Variants in RRP15 observed in about 807,000 individuals in gnomAD.
RRP15 encodes ribosomal RNA processing 15 homolog.
Under a neutral mutation model 27.1 loss-of-function variants are expected in RRP15, and 18 were observed. The ratio of observed to expected loss-of-function variants is 0.66; its 90% CI spans 0.46 to 0.98. RRP15 has a LOEUF of 0.98. Ranked by LOEUF, RRP15 falls within the 50% of genes least tolerant of loss-of-function variation. The pLI is 0.00. For synonymous variants in RRP15, 107 were observed against 109.4 expected (o/e 0.98, Z 0.14); for missense variants, 359 against 337.8 (o/e 1.06, Z -0.49).
chr1:218,298,951 C>A lies in RRP15; in HGVS notation c.140-3343C>A, dbSNP rs115790962. On this transcript the variant is annotated intron_variant, in intron 1 of 4. Transcript: ENST00000366932. ...ATGTTTAAGGCAACACACAGGACTTCAAAGGCATTTTTTACTTGTCTGGTG... is the reference window on the plus strand; with the variant it reads ...ATGTTTAAGGCAACACACAGGACTTAAAAGGCATTTTTTACTTGTCTGGTG... Among the ~76,000 whole-genome samples the A allele has an allele frequency of 4.8e-3, 736 of 152,244 alleles. 5 individuals are homozygous for A. The highest frequency in any genetic ancestry group is 0.016 in the African/African-American group (665 of 41,544).
chr1:218,302,545 GA>G lies in RRP15; in HGVS notation c.392del (p.Glu131GlyfsTer3). 1 of 1,612,308 alleles carries G rather than the reference GA, an allele frequency of 6.2e-7. No individual in the cohort carries two copies. Among genetic ancestry groups the G allele is most frequent in the Non-Finnish European group, 8.5e-7 (1 of 1,179,498 alleles). On this transcript the variant is annotated frameshift_variant, in exon 2 of 5. Transcript: ENST00000366932. LOFTEE classifies it high-confidence loss of function. ...EKEKLKQERL[E>X]KIKQRDKRLE... is the part of the protein sequence containing the mutation. ...AGAAAAGTTAAAGCAAGAAAGACTA[GA>G]GAAAATAAAACAGGTATGTTCCACC...
chr1:218,302,258 T>C (rs1362468676), intron 1 of RRP15, 36 bp from the exon 2 acceptor site: 2 of 1,557,640 alleles, frequency 1.3e-6, no homozygotes, highest in South Asian at 2.3e-5. Context: ...CCTAGGATAT[T>C]AAAGTTTAAT....
intron 4 of RRP15, among the ~76,000 whole-genome samples, chr1:218,311,202 C>G (rs967396603): frequency 2.0e-5 from 3 of 152,128 alleles, no homozygotes; most frequent in African/African-American, 7.2e-5. Flanking sequence ...GTACTTTCTT[C>G]TGGTATTTAC....
rs1383627244 is a variant in RRP15, at chr1:218,330,988, T to G, written c.746T>G (p.Leu249Arg). The change falls in exon 5 of 5, where the codon CTA becomes CGA. Residue 249 changes from leucine (L) to arginine (R), a missense_variant. Transcript: ENST00000366932. ...GAAGAAGGCCCAGGTTGGACGATCCTACGTGATGATTTCATGATGGGAGCA... is the reference window on the plus strand; with the variant it reads ...GAAGAAGGCCCAGGTTGGACGATCCGACGTGATGATTTCATGATGGGAGCA... ...KSEEGPGWTI[L>R]RDDFMMGASM... 6.2e-7 allele frequency: 1 copy of G among 1,613,748 alleles called. No individual in the cohort carries two copies. Among genetic ancestry groups the G allele is most frequent in the South Asian group, 1.1e-5 (1 of 91,056 alleles).
At chr1:218,327,081 A>C (rs922153872) in intron 4 of RRP15, among the ~76,000 whole-genome samples, 3 of 152,122 alleles carry the variant, frequency 2.0e-5, no homozygotes, top group African/African-American at 7.2e-5. Flanking sequence ...CTTCACCTTC[A>C]AAATTGTGTT....
intron 4 of RRP15, among the ~76,000 whole-genome samples, chr1:218,314,300 A>G (rs907589011): frequency 3.3e-5 from 5 of 152,326 alleles, no homozygotes; most frequent in South Asian, 2.1e-4. Context: ...TATTCAAAAC[A>G]TGTTCTTATC....
Position 218,333,936 on chromosome 1 carries a change from T to A in RRP15, c.*2845T>A, listed in dbSNP as rs1656412120. ...TTACTTATCTTCGGTTAGAAAGAAC[T>A]ATGGAAAATAGGAACCAATAATTTG... On this transcript the variant is annotated 3_prime_UTR_variant, in exon 5 of 5. Coordinates refer to ENST00000366932, the MANE Select transcript of RRP15 (RefSeq NM_016052.4). 1 of 152,204 alleles carries A rather than the reference T, an allele frequency of 6.6e-6. No homozygotes were observed. Among genetic ancestry groups the A allele is most frequent in the Non-Finnish European group, 1.5e-5 (1 of 68,028 alleles). The allele number at this position is 152,204 out of a possible 1,614,324, so 9.4% of individuals were successfully genotyped here.
chr1:218,316,752 C>T (rs12063482), intron 4 of RRP15, among the ~76,000 whole-genome samples: 8,390 of 152,194 alleles, frequency 0.055, 779 homozygotes, highest in African/African-American at 0.19. Context: ...GCCATCAAAA[C>T]GAGTTCCCTA....
At chr1:218,299,698 T>A (rs1655780166) in intron 1 of RRP15, among the ~76,000 whole-genome samples, 2 of 152,208 alleles carry the variant, frequency 1.3e-5, no homozygotes, top group Non-Finnish European at 2.9e-5. Context: ...CTTGCCTCCT[T>A]ACATTTAGTT....
intron 4 of RRP15, 141 bp downstream of exon 4, chr1:218,307,773 T>A (rs1436065564): frequency 1.3e-5 from 8 of 636,736 alleles, no homozygotes; most frequent in South Asian, 1.0e-4. Flanking sequence ...CCCGCAACCT[T>A]TAGAGATAGG....
intron 1 of RRP15, among the ~76,000 whole-genome samples, chr1:218,290,897 G>A (rs1398711264): frequency 2.6e-5 from 4 of 152,188 alleles, no homozygotes; most frequent in Non-Finnish European, 5.9e-5. Context: ...TGGAGGCTGA[G>A]GTGGGAGGAT....
At chr1:218,299,641 T>C (rs935900292) in intron 1 of RRP15, among the ~76,000 whole-genome samples, 3 of 152,174 alleles carry the variant, frequency 2.0e-5, no homozygotes, top group Non-Finnish European at 4.4e-5. Context: ...ATTTTTCTGC[T>C]TTTAATCACC....
chr1:218,290,822 A>C (rs1261304364), intron 1 of RRP15, among the ~76,000 whole-genome samples: 2 of 152,178 alleles, frequency 1.3e-5, no homozygotes, highest in Non-Finnish European at 2.9e-5. Flanking sequence ...AATGGTTTTC[A>C]GAAAGAAAGT....
chr1:218,288,588 G>C (rs893677450), intron 1 of RRP15, among the ~76,000 whole-genome samples: 3 of 152,162 alleles, frequency 2.0e-5, no homozygotes, highest in Admixed American at 2.0e-4. Flanking sequence ...GTTGATAAAT[G>C]ATACAACAAT....
At position 218,318,861 on chromosome 1, in the gene RRP15, A is replaced by G. The variant is rs1656131728; in HGVS notation, c.705+11229A>G. On this transcript the variant is annotated intron_variant, in intron 4 of 4. Coordinates refer to ENST00000366932, the MANE Select transcript of RRP15 (RefSeq NM_016052.4). The stretch of plus-strand genomic sequence containing the variant: ...CTCCATCTTTTGCCTTTTACCATCA[A>G]TTAGTGATCCTTGCCTAAAACAGTT... Among the ~76,000 whole-genome samples the G allele has an allele frequency of 2.0e-5, 3 of 151,918 alleles. No individual in the cohort carries two copies. In the South Asian group the frequency reaches 6.2e-4, roughly 31 times the overall value.
chr1:218,287,189 C>T (rs1655562788), intron 1 of RRP15, among the ~76,000 whole-genome samples: 1 of 149,108 alleles, frequency 6.7e-6, no homozygotes, highest in Non-Finnish European at 1.5e-5. Context: ...CCATGTTGCC[C>T]AGGCATGTCT....
chr1:218,293,080 G>C (rs148696343), intron 1 of RRP15, among the ~76,000 whole-genome samples: 1,568 of 150,286 alleles, frequency 0.01, 30 homozygotes, highest in African/African-American at 0.037. Flanking sequence ...CTGGTGTGCA[G>C]TGTGGCATGA....
rs1190867438 is a variant in RRP15, at chr1:218,302,434, G to A, written c.280G>A (p.Asp94Asn). Residue 94 changes from aspartate to asparagine, a missense_variant, in exon 2 of 5, where the codon GAT becomes AAT. Coordinates refer to ENST00000366932, the MANE Select transcript of RRP15 (RefSeq NM_016052.4). ...TGTTGGGACTAATATGGGCTGGGCAGATGCTATGGCTAAAGTCCTCAACAA... is the reference window on the plus strand; with the variant it reads ...TGTTGGGACTAATATGGGCTGGGCAAATGCTATGGCTAAAGTCCTCAACAA... ...SSVGTNMGWA[D>N]AMAKVLNKKT... The A allele has an allele frequency of 3.1e-6, 5 of 1,614,116 alleles. No individual in the cohort carries two copies. The South Asian group carries it at 5.5e-5, about 18-fold the overall frequency.
chr1:218,305,136 G>C lies in RRP15; in HGVS notation c.503+11G>C. 6.3e-7 allele frequency: 1 copy of C among 1,595,304 alleles called. No homozygotes were observed. The highest frequency in any genetic ancestry group is 1.3e-5 in the African/African-American group (1 of 74,432). ...GAGAATTGCAACAAGGTAAGGTAGT[G>C]TTTTTGCCCTTTAAAAAATAAGTAT... On this transcript the variant is annotated intron_variant, in intron 3 of 4. Transcript: ENST00000366932.
Sources: allele counts gnomAD v4.1 joint callset (sites outside exome capture counted in the v4.1 genomes callset), GRCh38; gene constraint gnomAD v4.1.1; transcripts MANE v1.5; gene names NCBI Gene and HGNC (gene_info 2026-07-23, HGNC 2026-07-21).